Variants in IMMP2L observed in about 807,000 individuals in gnomAD.
IMMP2L encodes inner mitochondrial membrane peptidase subunit 2.
IMMP2L carries 18 observed loss-of-function variants against 19.3 expected under a neutral mutation model. That is an observed-to-expected ratio of 0.93 (90% CI 0.64 to 1.38). The LOEUF is 1.38. Ranked by LOEUF, IMMP2L falls within the 40% of genes most tolerant of loss-of-function variation. IMMP2L has a pLI of 0.00. For synonymous variants in IMMP2L, 76 were observed against 73.0 expected (o/e 1.04, Z -0.21); for missense variants, 233 against 218.2 (o/e 1.07, Z -0.43).
intron 4 of IMMP2L, among the ~76,000 whole-genome samples, chr7:110,926,256 G>A (rs1005095231): frequency 3.9e-5 from 6 of 151,934 alleles, no homozygotes; most frequent in Non-Finnish European, 8.8e-5. Context: ...TTTTAAATAG[G>A]AAGGATTCAC....
At chr7:111,396,523 T>C (rs745314021) in intron 3 of IMMP2L, among the ~76,000 whole-genome samples, 3 of 151,972 alleles carry the variant, frequency 2.0e-5, no homozygotes, top group Non-Finnish European at 4.4e-5. Context: ...AGGGGAGATA[T>C]AGCATTAGGA....
At position 110,735,652 on chromosome 7, in the gene IMMP2L, A is replaced by AATATATATAT. The variant is rs138161100; in HGVS notation, c.409-71941_409-71932dup. Among the ~76,000 whole-genome samples, 423 of 126,168 alleles carry AATATATATAT rather than the reference A, an allele frequency of 3.4e-3. 3 individuals carry two copies. Among genetic ancestry groups the AATATATATAT allele is most frequent in the East Asian group, 0.023 (92 of 4,088 alleles). 82.8% of individuals were successfully genotyped at this position (126,168 alleles called of 152,430 possible). A position where few individuals can be genotyped will look rare whatever the true frequency, so the allele number is the denominator to read the frequency against. On this transcript the variant is annotated intron_variant, in intron 5 of 5. Transcript: ENST00000405709. ...TCTACAAATATATATATATTAGACAAATATATATATATATATATAGTAGAC... is the reference window on the plus strand; with the variant it reads ...TCTACAAATATATATATATTAGACAAATATATATATATATATATATATATATATAGTAGAC...
chr7:111,312,298 A>G lies in IMMP2L; in HGVS notation c.239+174940T>C, dbSNP rs1301608053. ...TTTAGGTGAGTTCACTCACATAAAT[A>G]TATTCATTTCAATTATCATGATCCA... On this transcript the variant is annotated intron_variant, in intron 3 of 5. Coordinates refer to ENST00000405709, the MANE Select transcript of IMMP2L (RefSeq NM_032549.4). Among the ~76,000 whole-genome samples the G allele has an allele frequency of 2.6e-5, 4 of 152,296 alleles. No homozygotes were observed. In the East Asian group the frequency reaches 5.8e-4, roughly 22 times the overall value.
At chr7:111,364,898 A>G (rs899410289) in intron 3 of IMMP2L, among the ~76,000 whole-genome samples, 5 of 151,332 alleles carry the variant, frequency 3.3e-5, no homozygotes, top group African/African-American at 7.3e-5. Flanking sequence ...TGAACCCAGG[A>G]GGTGGAGGTT....
chr7:110,968,415 G>A (rs1819786028), intron 3 of IMMP2L, among the ~76,000 whole-genome samples: 1 of 152,140 alleles, frequency 6.6e-6, no homozygotes, highest in African/African-American at 2.4e-5. Context: ...GCACATGCCT[G>A]TAATCCCAGC....
chr7:110,953,378 T>G (rs1221814779), intron 4 of IMMP2L, among the ~76,000 whole-genome samples: 4 of 151,718 alleles, frequency 2.6e-5, no homozygotes, highest in Non-Finnish European at 5.9e-5. Flanking sequence ...CCATGTGTTC[T>G]CATTGTTCAG....
intron 1 of IMMP2L, among the ~76,000 whole-genome samples, chr7:111,538,176 C>T (rs1487309070): frequency 6.6e-6 from 1 of 151,076 alleles, no homozygotes; most frequent in Non-Finnish European, 1.5e-5. Flanking sequence ...AACACTTGTT[C>T]ACTACTATAC....
chr7:111,111,375 A>G (rs1366004641), intron 3 of IMMP2L, among the ~76,000 whole-genome samples: 1 of 150,878 alleles, frequency 6.6e-6, no homozygotes, highest in Non-Finnish European at 1.5e-5. Flanking sequence ...AAAATTTGGT[A>G]GGCATCACAA....
At chr7:110,819,735 T>G (rs940484600) in intron 5 of IMMP2L, among the ~76,000 whole-genome samples, 2 of 152,034 alleles carry the variant, frequency 1.3e-5, no homozygotes, top group South Asian at 4.1e-4. Flanking sequence ...GAGCTCAGAA[T>G]GGGGAAAATG....
intron 5 of IMMP2L, among the ~76,000 whole-genome samples, chr7:110,859,475 G>A (rs770847020): frequency 4.6e-5 from 7 of 151,750 alleles, no homozygotes; most frequent in Non-Finnish European, 7.4e-5. Flanking sequence ...GTGTGTGGTG[G>A]CTCACGACTG....
chr7:110,889,636 G>A (rs1810583718), intron 4 of IMMP2L, among the ~76,000 whole-genome samples: 1 of 152,190 alleles, frequency 6.6e-6, no homozygotes, highest in Non-Finnish European at 1.5e-5. Context: ...TGGCCTGGGG[G>A]TTAGGGACTC....
At chr7:111,326,671 T>C (rs1825348659) in intron 3 of IMMP2L, among the ~76,000 whole-genome samples, 1 of 151,766 alleles carries the variant, frequency 6.6e-6, no homozygotes, top group Non-Finnish European at 1.5e-5. Context: ...GGATGGCTGT[T>C]ACCAAACAAA....
chr7:111,299,536 G>A (rs1434861893), intron 3 of IMMP2L, among the ~76,000 whole-genome samples: 2 of 150,596 alleles, frequency 1.3e-5, no homozygotes, highest in African/African-American at 4.9e-5. Flanking sequence ...TTATTAGTGG[G>A]GTTTTCCCAG....
chr7:111,539,250 G>GAAAGAA (rs1429029492), intron 1 of IMMP2L, among the ~76,000 whole-genome samples: 5 of 143,804 alleles, frequency 3.5e-5, no homozygotes, highest in African/African-American at 1.3e-4. Flanking sequence ...AAGAAAGAAA[G>GAAAGAA]AAAGAAAGAA....
intron 3 of IMMP2L, among the ~76,000 whole-genome samples, chr7:111,104,745 A>G (rs1798355876): frequency 6.6e-6 from 1 of 151,856 alleles, no homozygotes; most frequent in African/African-American, 2.4e-5. Flanking sequence ...ATGTATTCAC[A>G]ATAAGCTGTA....
At chr7:111,133,307 A>T (rs947003979) in intron 3 of IMMP2L, among the ~76,000 whole-genome samples, 1 of 152,068 alleles carries the variant, frequency 6.6e-6, no homozygotes, top group Non-Finnish European at 1.5e-5. Context: ...ACGATTACAC[A>T]TATTTGGGGG....
chr7:110,971,852 A>G (rs1238366258), intron 3 of IMMP2L, among the ~76,000 whole-genome samples: 1 of 152,074 alleles, frequency 6.6e-6, no homozygotes, highest in African/African-American at 2.4e-5. Context: ...TAATGTTTAA[A>G]CTGTGCTACT....
chr7:111,319,022 A>G (rs1238304450), intron 3 of IMMP2L, among the ~76,000 whole-genome samples: 1 of 152,128 alleles, frequency 6.6e-6, no homozygotes, highest in Non-Finnish European at 1.5e-5. Flanking sequence ...ACCAATAAGA[A>G]AACATCCCTG....
intron 5 of IMMP2L, among the ~76,000 whole-genome samples, chr7:110,817,892 C>T (rs569367036): frequency 7.8e-4 from 119 of 152,042 alleles, no homozygotes; most frequent in African/African-American, 2.2e-3. Context: ...AATGGTGCTG[C>T]GAAAACTGGC....
Sources: allele counts gnomAD v4.1 joint callset (sites outside exome capture counted in the v4.1 genomes callset), GRCh38; gene constraint gnomAD v4.1.1; transcripts MANE v1.5; gene names NCBI Gene and HGNC (gene_info 2026-07-23, HGNC 2026-07-21).